Variants in PRELID2 observed in about 807,000 individuals in gnomAD.
PRELID2 encodes PRELI domain containing 2.
Under a neutral mutation model 28.4 loss-of-function variants are expected in PRELID2, and 25 were observed. The observed-to-expected ratio is 0.88, with a 90% CI of 0.64 to 1.23. The LOEUF is 1.23. PRELID2 is among the 50% of genes most tolerant of loss of function. The probability of loss-of-function intolerance (pLI) is 0.00; values close to 1 mark genes in which losing one functional copy is unlikely to be tolerated. For missense variants in PRELID2, 201 were observed against 214.4 expected (o/e 0.94, Z 0.39); for synonymous variants, 76 against 71.6 (o/e 1.06, Z -0.31).
At chr5:145,256,097 A>G in the PRELID2 span, among the ~76,000 whole-genome samples, 1 of 151,840 alleles carries the variant, frequency 6.6e-6, no homozygotes, top group Non-Finnish European at 1.5e-5. Flanking sequence ...CTGGGCTAAA[A>G]TCAAGGTGTC....
At chr5:145,440,781 C>T in the PRELID2 span, 1 of 152,004 alleles carries the variant, frequency 6.6e-6, no homozygotes, top group Admixed American at 6.6e-5. Context: ...GATGCTGGAT[C>T]TGTATCAATT....
chr5:145,398,202 G>A, the PRELID2 span, among the ~76,000 whole-genome samples: 6 of 152,016 alleles, frequency 3.9e-5, no homozygotes, highest in Non-Finnish European at 8.8e-5. Context: ...GGAACAACTG[G>A]GCACTCACTC....
chr5:145,359,110 G>A, the PRELID2 span, among the ~76,000 whole-genome samples: 1 of 152,074 alleles, frequency 6.6e-6, no homozygotes, highest in Non-Finnish European at 1.5e-5. Flanking sequence ...ATCTTTAACT[G>A]GTACTCCAAA....
At chr5:145,361,859 T>C in the PRELID2 span, among the ~76,000 whole-genome samples, 7 of 152,070 alleles carry the variant, frequency 4.6e-5, no homozygotes, top group Admixed American at 3.9e-4. Flanking sequence ...CCCTACTTTT[T>C]CTCTGGAAAG....
the PRELID2 span, among the ~76,000 whole-genome samples, chr5:145,286,893 CA>C: frequency 6.6e-6 from 1 of 151,804 alleles, no homozygotes; most frequent in Non-Finnish European, 1.5e-5. Context: ...GTATTTTTAG[CA>C]GAGATGAGTT....
intron 1 of PRELID2, among the ~76,000 whole-genome samples, chr5:145,657,250 C>T (rs1311751409): frequency 6.6e-6 from 1 of 152,084 alleles, no homozygotes; most frequent in Non-Finnish European, 1.5e-5. Flanking sequence ...TATTCTTTCC[C>T]TTAAAATGGA....
chr5:145,386,605 C>T, the PRELID2 span, among the ~76,000 whole-genome samples: 818 of 152,168 alleles, frequency 5.4e-3, 18 homozygotes, highest in Admixed American at 4.3e-3. Context: ...ATAAATTAAC[C>T]AGTCTCAGGT....
At chr5:145,268,743 G>A in the PRELID2 span, among the ~76,000 whole-genome samples, 4 of 151,956 alleles carry the variant, frequency 2.6e-5, no homozygotes, top group Non-Finnish European at 4.4e-5. Context: ...GAAATAAAAG[G>A]AAAATAACTA....
intron 1 of PRELID2, among the ~76,000 whole-genome samples, chr5:145,559,097 AC>A (rs1200549247): frequency 1.3e-5 from 2 of 152,096 alleles, no homozygotes; most frequent in Non-Finnish European, 2.9e-5. Flanking sequence ...TACTAAAAAT[AC>A]AAAAAAATTA....
the PRELID2 span, among the ~76,000 whole-genome samples, chr5:145,297,474 A>C: frequency 2.6e-4 from 39 of 152,152 alleles, no homozygotes; most frequent in African/African-American, 8.4e-4. Flanking sequence ...ATCTCAAAAT[A>C]ATAAGAGCTA....
chr5:145,388,468 A>G, the PRELID2 span, among the ~76,000 whole-genome samples: 6 of 152,076 alleles, frequency 3.9e-5, no homozygotes, highest in Non-Finnish European at 7.4e-5. Context: ...AATTGGGCCC[A>G]CTTTACAAAC....
intron 1 of PRELID2, chr5:145,834,592 G>C (rs1755810050): frequency 1.3e-5 from 2 of 152,084 alleles, no homozygotes; most frequent in Admixed American, 1.3e-4. Context: ...TATTGATTTT[G>C]CCTCAGTTTC....
chr5:145,687,442 G>T (rs1410622002), intron 1 of PRELID2, among the ~76,000 whole-genome samples: 1 of 152,152 alleles, frequency 6.6e-6, no homozygotes, highest in East Asian at 1.9e-4. Context: ...TCAAGGAAAG[G>T]CCTAGGAACT....
At chr5:145,239,380 A>G in the PRELID2 span, among the ~76,000 whole-genome samples, 3 of 151,992 alleles carry the variant, frequency 2.0e-5, no homozygotes, top group Non-Finnish European at 2.9e-5. Flanking sequence ...TCTGGTCTCA[A>G]GGATATTGTC....
At chr5:145,427,932 T>C in the PRELID2 span, among the ~76,000 whole-genome samples, 36,828 of 151,996 alleles carry the variant, frequency 0.24, 5,544 homozygotes, top group Non-Finnish European at 0.34. Flanking sequence ...CTCAAGTAAA[T>C]CTTGTATGAA....
At chr5:145,597,107 A>C (rs1753317943) in intron 1 of PRELID2, among the ~76,000 whole-genome samples, 1 of 152,174 alleles carries the variant, frequency 6.6e-6, no homozygotes, top group African/African-American at 2.4e-5. Context: ...ACAAGCTCAA[A>C]TATTGATATG....
the PRELID2 span, among the ~76,000 whole-genome samples, chr5:145,414,405 T>C: frequency 2.6e-5 from 4 of 152,200 alleles, no homozygotes; most frequent in African/African-American, 7.2e-5. Flanking sequence ...TGAAAATCTG[T>C]CCCATTGTCC....
chr5:145,567,415 T>C (rs1222249022), intron 1 of PRELID2, among the ~76,000 whole-genome samples: 1 of 150,668 alleles, frequency 6.6e-6, no homozygotes, highest in African/African-American at 2.5e-5. Flanking sequence ...TCTCACTCTG[T>C]CACCAAGGCT....
chr5:145,643,944 TATTCATCA>T (rs1348617620), intron 1 of PRELID2, among the ~76,000 whole-genome samples: 23 of 152,250 alleles, frequency 1.5e-4, no homozygotes, highest in Admixed American at 1.5e-3. Context: ...TTTGCATCTA[TATTCATCA>T]GTGATATTGG....
Sources: gnomAD v4.1 joint callset for allele counts (sites outside exome capture counted in the v4.1 genomes callset) on GRCh38, gnomAD v4.1.1 for gene constraint, MANE v1.5 for transcripts, NCBI Gene and HGNC (gene_info 2026-07-23, HGNC 2026-07-21) for gene names.